The following DPH6 variants were observed in gnomAD, a reference collection of about 807,000 sequenced individuals.
DPH6 encodes diphthamine biosynthesis 6.
Under a neutral mutation model 38.2 loss-of-function variants are expected in DPH6, and 33 were observed. That is an observed-to-expected ratio of 0.86 (90% CI 0.65 to 1.15). The LOEUF (loss-of-function observed/expected upper bound fraction) is 1.15, where lower values mean the gene tolerates loss of function less well. DPH6 is among the 50% of genes most tolerant of loss of function. The pLI is 0.00. For synonymous variants in DPH6, 108 were observed against 103.0 expected (o/e 1.05, Z -0.30); for missense variants, 325 against 320.0 (o/e 1.02, Z -0.12).
chr15:35,418,111 G>A (rs555995008), intron 5 of DPH6, among the ~76,000 whole-genome samples: 3 of 151,968 alleles, frequency 2.0e-5, no homozygotes, highest in African/African-American at 4.8e-5. Context: ...AGCTTGGGTC[G>A]TGAACAGACA....
At chr15:35,237,970 T>C in intron 3 of DPH6, 1 of 1,435,078 alleles carries the variant, frequency 7.0e-7, no homozygotes, top group South Asian at 1.1e-5. Context: ...ATGGAGAGGT[T>C]GATGATGAGG....
At position 35,470,630 on chromosome 15, in the gene DPH6, C is replaced by T. The variant is rs531683585; in HGVS notation, c.313-15810G>A. On this transcript the variant is annotated intron_variant, in intron 3 of 8. Transcript: ENST00000256538. ...GTGACTTACACAGGTTCACAAAACG[C>T]GTTGGCAGCACCACTACAGACAGAA... Among the ~76,000 whole-genome samples, 50 of 152,238 alleles carry T rather than the reference C, an allele frequency of 3.3e-4. 1 individual carries two copies. The highest frequency in any genetic ancestry group is 1.4e-3 in the Admixed American group (22 of 15,284).
chr15:35,199,218 G>A, the DPH6 span, among the ~76,000 whole-genome samples: 1 of 152,106 alleles, frequency 6.6e-6, no homozygotes, highest in African/African-American at 2.4e-5. Context: ...CAGCGAATTT[G>A]TTGTCTTCTT....
chr15:35,346,554 T>C (rs1048554373), intron 3 of DPH6, among the ~76,000 whole-genome samples: 2 of 152,142 alleles, frequency 1.3e-5, no homozygotes, highest in African/African-American at 2.4e-5. Context: ...TGAGGAAGTT[T>C]AGGTATTTTC....
At chr15:35,441,024 A>T (rs1056924805) in intron 5 of DPH6, among the ~76,000 whole-genome samples, 3 of 152,258 alleles carry the variant, frequency 2.0e-5, no homozygotes, top group Admixed American at 2.0e-4. Context: ...TCAAAAGAAG[A>T]CATTTATGCA....
chr15:35,198,351 T>C, the DPH6 span, among the ~76,000 whole-genome samples: 1 of 152,162 alleles, frequency 6.6e-6, no homozygotes, highest in South Asian at 2.1e-4. Flanking sequence ...CATCATATGG[T>C]TTGGTGCAAA....
chr15:35,225,556 G>A (rs184064252), intron 3 of DPH6, among the ~76,000 whole-genome samples: 1 of 152,234 alleles, frequency 6.6e-6, no homozygotes, highest in East Asian at 1.9e-4. Flanking sequence ...GATGTCTCTA[G>A]CCTTTTATTT....
intron 3 of DPH6, among the ~76,000 whole-genome samples, chr15:35,532,291 T>C (rs1324795601): frequency 6.6e-6 from 1 of 152,160 alleles, no homozygotes; most frequent in Non-Finnish European, 1.5e-5. Flanking sequence ...TTTATACAGA[T>C]CAGCTGCCAA....
chr15:35,492,252 C>A (rs1018125785), intron 3 of DPH6, among the ~76,000 whole-genome samples: 1 of 152,058 alleles, frequency 6.6e-6, no homozygotes, highest in Non-Finnish European at 1.5e-5. Context: ...TGCTTTACTC[C>A]GTTTACAAAT....
At position 35,395,567 on chromosome 15, in the gene DPH6, G is replaced by T. The variant is rs146011448; in HGVS notation, c.568-13651C>A. Among the ~76,000 whole-genome samples the T allele has an allele frequency of 3.4e-3, 513 of 152,212 alleles. 8 individuals carry two copies. Among genetic ancestry groups the T allele is most frequent in the Admixed American group, 0.026 (390 of 15,274 alleles). Reference sequence around the variant, plus strand: ...CCAAATTTCTTTGTTGTCCTTGAATGCCTTCTTGCCAAAGTCTTCATTCAT... The same window carrying T: ...CCAAATTTCTTTGTTGTCCTTGAATTCCTTCTTGCCAAAGTCTTCATTCAT... On this transcript the variant is annotated intron_variant, in intron 6 of 8. Transcript: ENST00000256538.
rs545699609 is a variant in DPH6 at position 35,487,772 on chromosome 15, C to T, written c.313-32952G>A. Among the ~76,000 whole-genome samples the T allele has an allele frequency of 3.3e-5, 5 of 152,308 alleles. No homozygotes were observed. The South Asian group carries it at 1.0e-3, about 32-fold the overall frequency. On this transcript the variant is annotated intron_variant, in intron 3 of 8. Coordinates refer to ENST00000256538, the MANE Select transcript of DPH6 (RefSeq NM_080650.4). ...CTGCAGCTGGCAGCTTGAATTTCTC[C>T]CCAGAAAGTGGGTTTTTATTTTCTA...
the DPH6 span, among the ~76,000 whole-genome samples, chr15:35,177,179 A>G: frequency 1.3e-5 from 2 of 152,126 alleles, no homozygotes; most frequent in Non-Finnish European, 2.9e-5. Flanking sequence ...AATGCTTACT[A>G]TGGCTAGACT....
downstream of DPH6, among the ~76,000 whole-genome samples, chr15:35,368,719 T>C (rs1182528132): frequency 1.3e-5 from 2 of 151,878 alleles, no homozygotes; most frequent in African/African-American, 4.8e-5. Flanking sequence ...TGAGTTACTA[T>C]GAGGAGAACA....
At chr15:35,227,746 G>T (rs1189716400) in intron 3 of DPH6, among the ~76,000 whole-genome samples, 1 of 148,926 alleles carries the variant, frequency 6.7e-6, no homozygotes. Flanking sequence ...TCTTTTTTTT[G>T]ATGTAGGCAT....
intron 6 of DPH6, among the ~76,000 whole-genome samples, chr15:35,409,175 G>T (rs2053333165): frequency 6.6e-6 from 1 of 151,774 alleles, no homozygotes; most frequent in African/African-American, 2.4e-5. Context: ...AGGGAAATTA[G>T]TAGGGGTGGT....
chr15:35,340,946 C>G (rs1360684157), intron 3 of DPH6, among the ~76,000 whole-genome samples: 1 of 152,164 alleles, frequency 6.6e-6, no homozygotes, highest in African/African-American at 2.4e-5. Context: ...TGGGGAAGTT[C>G]TCCTGGAGGA....
At chr15:35,356,876 C>A (rs2052565599) in intron 3 of DPH6, among the ~76,000 whole-genome samples, 1 of 152,190 alleles carries the variant, frequency 6.6e-6, no homozygotes, top group Non-Finnish European at 1.5e-5. Context: ...GCCCTGCCCC[C>A]AGAGGTGGAG....
chr15:35,511,685 A>G (rs1323292026), intron 3 of DPH6, among the ~76,000 whole-genome samples: 1 of 152,096 alleles, frequency 6.6e-6, no homozygotes, highest in Non-Finnish European at 1.5e-5. Context: ...CTGACAAGAA[A>G]CTACCAAGAG....
intron 7 of DPH6, among the ~76,000 whole-genome samples, chr15:35,376,949 G>A (rs372505868): frequency 2.0e-5 from 3 of 151,994 alleles, no homozygotes; most frequent in African/African-American, 7.3e-5. Flanking sequence ...ACTCATGACT[G>A]TACACACTTT....
Sources: gnomAD v4.1 joint callset for allele counts (sites outside exome capture counted in the v4.1 genomes callset) on GRCh38, gnomAD v4.1.1 for gene constraint, MANE v1.5 for transcripts, NCBI Gene and HGNC (gene_info 2026-07-23, HGNC 2026-07-21) for gene names.